The following SYNJ2 variants were observed in gnomAD, a reference collection of about 807,000 sequenced individuals.
SYNJ2 encodes synaptojanin 2, also known as polyphosphatidylinositol phosphatase SYNJ2.
SYNJ2 carries 116 observed loss-of-function variants against 141.3 expected under a neutral mutation model. That is an observed-to-expected ratio of 0.82 (90% CI 0.71 to 0.96). The LOEUF (loss-of-function observed/expected upper bound fraction) is 0.96, where lower values mean the gene tolerates loss of function less well. SYNJ2 is among the 40% of genes least tolerant of loss of function. The pLI is 0.00. For missense variants in SYNJ2, 1,873 were observed against 1,934.8 expected (o/e 0.97, Z 0.60); for synonymous variants, 745 against 777.7 (o/e 0.96, Z 0.70).
rs146796078 is a variant in SYNJ2, at chr6:158,071,039, C to T, written c.1941-563C>T. On this transcript the variant is annotated intron_variant, in intron 14 of 26. Transcript: ENST00000355585. This position sits in a 1 kb window ranked among gnomAD's most constrained non-coding sequence, Gnocchi z 4.3. ...CTCTACTAAAAATACAAAAATTAGC[C>T]GGGCGTGATGGTGGGTACCTGTAAT... 0.014 allele frequency among the ~76,000 whole-genome samples: 2,064 copies of T among 152,128 alleles called. 55 individuals carry two copies. Among genetic ancestry groups the T allele is most frequent in the African/African-American group, 0.047 (1,965 of 41,466 alleles).
chr6:158,068,853 T>C, intron 13 of SYNJ2, 125 bp downstream of exon 13: 1 of 980,890 alleles, frequency 1.0e-6, no homozygotes, highest in Non-Finnish European at 1.6e-6. Context: ...TGGCCCTGGC[T>C]GTGTGGGGAT....
chr6:158,095,822 G>A lies in SYNJ2; in HGVS notation c.3949G>A (p.Ala1317Thr). The change falls in exon 27 of 27, where the codon GCC becomes ACC. Residue 1317 changes from alanine to threonine, a missense_variant. Coordinates refer to ENST00000355585, the MANE Select transcript of SYNJ2 (RefSeq NM_003898.4). ...AGACGAAGCCCCTCCTGGGGCAGGA[G>A]CCTCTGTGCCACCACCTCTGGAGGC... Reference protein sequence around the residue: ...ASDEAPPGAGASVPPPLEAPP... With the variant: ...ASDEAPPGAGTSVPPPLEAPP... The A allele has an allele frequency of 1.2e-6, 2 of 1,614,178 alleles. No individual in the cohort carries two copies. Among genetic ancestry groups the A allele is most frequent in the South Asian group, 1.1e-5 (1 of 91,084 alleles).
In SYNJ2 at chr6:158,043,337, G is replaced by A; in HGVS notation, c.733G>A (p.Val245Met). 1 of 1,614,128 alleles carries A rather than the reference G, an allele frequency of 6.2e-7. No individual in the cohort carries two copies. The highest frequency in any genetic ancestry group is 1.1e-5 in the South Asian group (1 of 91,074). Residue 245 changes from valine to methionine, a missense_variant, in exon 5 of 27, where the codon GTG becomes ATG. Coordinates refer to ENST00000355585, the MANE Select transcript of SYNJ2 (RefSeq NM_003898.4). The surrounding 1 kb of genome is among the most constrained non-coding windows in gnomAD (Gnocchi z 4.0). The part of the protein sequence containing the change: ...TEQMIYMDDG[V>M]SSFVQIRGSV... ...GCAGATGATTTACATGGACGATGGAGTGTCATCTTTTGTCCAGATCAGAGG... is the reference window on the plus strand; with the variant it reads ...GCAGATGATTTACATGGACGATGGAATGTCATCTTTTGTCCAGATCAGAGG...
At chr6:158,073,160 C>T (rs4403284) in intron 15 of SYNJ2, among the ~76,000 whole-genome samples, 1 of 151,668 alleles carries the variant, frequency 6.6e-6, no homozygotes, top group African/African-American at 2.4e-5. Flanking sequence ...TCTTTTCTAC[C>T]ATAAAAATAT....
chr6:158,004,255 A>G (rs1777967762), intron 1 of SYNJ2, among the ~76,000 whole-genome samples: 1 of 152,160 alleles, frequency 6.6e-6, no homozygotes, highest in African/African-American at 2.4e-5. Context: ...ATTCTTAGCC[A>G]CAGGATGAGA....
In SYNJ2 at chr6:158,078,580, G is replaced by A. The variant is rs143534654; in HGVS notation, c.2567+299G>A. The A allele has an allele frequency of 3.0e-4, 68 of 229,816 alleles. 1 individual carries two copies. In the East Asian group the frequency reaches 5.8e-3, roughly 20 times the overall value. The allele number at this position is 229,816 out of a possible 1,614,324, so 14.2% of individuals were successfully genotyped here. On this transcript the variant is annotated intron_variant, in intron 18 of 26. Coordinates refer to ENST00000355585, the MANE Select transcript of SYNJ2 (RefSeq NM_003898.4). ...CTTTTATATTTTCTTAAATGATGTC[G>A]TTGTGCAACTTGCTTTTTTGTTACT... is the stretch of plus-strand genomic sequence containing the variant.
intron 17 of SYNJ2, 21 bp from the exon 18 acceptor site, chr6:158,078,143 G>T: frequency 6.6e-7 from 1 of 1,518,260 alleles, no homozygotes; most frequent in Non-Finnish European, 9.1e-7. Context: ...TGGGTCTCTC[G>T]AATGGAACCC....
intron 8 of SYNJ2, among the ~76,000 whole-genome samples, chr6:158,062,761 G>A (rs1039500573): frequency 4.6e-5 from 7 of 152,170 alleles, no homozygotes; most frequent in Non-Finnish European, 1.0e-4. Flanking sequence ...TTGCTGGACA[G>A]AGTATTTAAA....
At chr6:157,990,414 CT>C (rs1244799053) in intron 1 of SYNJ2, among the ~76,000 whole-genome samples, 1 of 152,216 alleles carries the variant, frequency 6.6e-6, no homozygotes, top group Non-Finnish European at 1.5e-5. Flanking sequence ...CACACACCCC[CT>C]GAGGACAGGG....
At chr6:158,016,842 C>A (rs1266311701) in intron 1 of SYNJ2, among the ~76,000 whole-genome samples, 1 of 152,142 alleles carries the variant, frequency 6.6e-6, no homozygotes, top group Non-Finnish European at 1.5e-5. Context: ...GTGGGCATCT[C>A]CAGGATGTAG....
chr6:158,025,646 G>A (rs1225757479), intron 2 of SYNJ2, among the ~76,000 whole-genome samples: 3 of 150,742 alleles, frequency 2.0e-5, no homozygotes, highest in African/African-American at 7.4e-5. Context: ...GGCAACAAGA[G>A]TGAAACTCCA....
intron 22 of SYNJ2, among the ~76,000 whole-genome samples, chr6:158,086,086 T>C (rs1479786906): frequency 6.6e-6 from 1 of 152,140 alleles, no homozygotes; most frequent in Non-Finnish European, 1.5e-5. Context: ...CTTCCCTTGA[T>C]GCTGTGGGGT....
chr6:158,079,971 G>A (rs569485232), intron 18 of SYNJ2, among the ~76,000 whole-genome samples: 6 of 152,204 alleles, frequency 3.9e-5, no homozygotes, highest in Middle Eastern at 6.8e-3. Flanking sequence ...GGCCAGAGTC[G>A]AGCTATTTTC....
At position 158,071,921 on chromosome 6, in the gene SYNJ2, G is replaced by A; in HGVS notation, c.2133+127G>A. 4 of 1,114,434 alleles carry A rather than the reference G, an allele frequency of 3.6e-6. No homozygotes were observed. Among genetic ancestry groups the A allele is most frequent in the Non-Finnish European group, 5.0e-6 (4 of 801,788 alleles). 69.0% of individuals were successfully genotyped at this position (1,114,434 alleles called of 1,614,324 possible). ...GCCCCTTCCTGGAGGGCTCAGCGCT[G>A]GGGGAGGGGGAGAGGGCTATGTCCC... On this transcript the variant is annotated intron_variant, in intron 15 of 26. Coordinates refer to ENST00000355585, the MANE Select transcript of SYNJ2 (RefSeq NM_003898.4). The surrounding 1 kb of genome is among the most constrained non-coding windows in gnomAD (Gnocchi z 4.3).
At chr6:158,046,604 G>A (rs1472881326) in intron 5 of SYNJ2, among the ~76,000 whole-genome samples, 1 of 152,204 alleles carries the variant, frequency 6.6e-6, no homozygotes, top group East Asian at 1.9e-4. Context: ...TGGAAACCCA[G>A]GAGCCCAGCA....
intron 7 of SYNJ2, among the ~76,000 whole-genome samples, chr6:158,061,053 G>C (rs1365051677): frequency 2.6e-5 from 4 of 152,258 alleles, no homozygotes; most frequent in Non-Finnish European, 4.4e-5. Context: ...GCACTGTTGG[G>C]CTCCTCCAGC....
intron 4 of SYNJ2, among the ~76,000 whole-genome samples, chr6:158,038,339 G>C (rs1779748795): frequency 6.6e-6 from 1 of 152,114 alleles, no homozygotes; most frequent in South Asian, 2.1e-4. Context: ...CAGACAGCTG[G>C]GCACCACCAC....
intron 23 of SYNJ2, 123 bp downstream of exon 23, chr6:158,087,112 T>C: frequency 8.7e-7 from 1 of 1,148,882 alleles, no homozygotes; most frequent in Non-Finnish European, 1.2e-6. Flanking sequence ...CAGGGCTTCC[T>C]CCTCCTTGGG....
intron 3 of SYNJ2, among the ~76,000 whole-genome samples, chr6:158,032,934 C>T (rs890750823): frequency 6.6e-5 from 10 of 152,176 alleles, no homozygotes; most frequent in African/African-American, 2.4e-4. Context: ...CTTTGTAGCG[C>T]TCTCGTCATA....
Sources: allele counts gnomAD v4.1 joint callset (sites outside exome capture counted in the v4.1 genomes callset), GRCh38; gene constraint gnomAD v4.1.1; non-coding constraint Gnocchi (gnomAD v3.1); transcripts MANE v1.5; gene names NCBI Gene and HGNC (gene_info 2026-07-23, HGNC 2026-07-21).